SIRPD: variants seen among roughly 807,000 people sequenced by gnomAD.
SIRPD encodes signal regulatory protein delta, also known as signal-regulatory protein delta.
Under a neutral mutation model 18.0 loss-of-function variants are expected in SIRPD, and 21 were observed. That is an observed-to-expected ratio of 1.17 (90% CI 0.83 to 1.68). The LOEUF is 1.68. SIRPD is among the 40% of genes most tolerant of loss of function. SIRPD has a pLI of 0.00. For missense variants in SIRPD, 295 were observed against 238.4 expected (o/e 1.24, Z -1.56); for synonymous variants, 106 against 92.9 (o/e 1.14, Z -0.81).
intron 2 of SIRPD, among the ~76,000 whole-genome samples, chr20:1,542,986 G>A (rs1210687307): frequency 3.3e-5 from 5 of 152,110 alleles, no homozygotes; most frequent in African/African-American, 1.2e-4. Flanking sequence ...AAGCTGACTT[G>A]ATCATGGTGG....
At chr20:1,555,070 C>T (rs1035016327) in intron 1 of SIRPD, among the ~76,000 whole-genome samples, 19 of 152,164 alleles carry the variant, frequency 1.2e-4, no homozygotes, top group African/African-American at 4.6e-4. Flanking sequence ...AACTGAAGTG[C>T]CCATCAATGT....
At chr20:1,549,083 T>C (rs887402861) in intron 2 of SIRPD, among the ~76,000 whole-genome samples, 2 of 152,172 alleles carry the variant, frequency 1.3e-5, no homozygotes, top group African/African-American at 4.8e-5. Flanking sequence ...TAATCTATTT[T>C]CAAATTTGCT....
chr20:1,552,324 G>A (rs1222610032), intron 1 of SIRPD, among the ~76,000 whole-genome samples: 2 of 152,094 alleles, frequency 1.3e-5, no homozygotes, highest in African/African-American at 4.8e-5. Context: ...AATGGGTAAT[G>A]TTCTTGGAGA....
At chr20:1,539,235 G>GA (rs1482169959) in intron 2 of SIRPD, among the ~76,000 whole-genome samples, 1 of 151,930 alleles carries the variant, frequency 6.6e-6, no homozygotes, top group African/African-American at 2.4e-5. Flanking sequence ...TTTCTTTTTT[G>GA]ATAAATCAGT....
intron 2 of SIRPD, among the ~76,000 whole-genome samples, chr20:1,545,312 C>CT (rs568794343): frequency 1.3e-4 from 20 of 152,236 alleles, no homozygotes; most frequent in African/African-American, 4.1e-4. Context: ...TTTGTTCATT[C>CT]TTTTTCACTC....
intron 3 of SIRPD, 46 bp from the exon 4 acceptor site, chr20:1,534,487 T>A: frequency 6.4e-7 from 1 of 1,558,018 alleles, no homozygotes; most frequent in Non-Finnish European, 8.8e-7. Context: ...TTCTCCCTCC[T>A]GCAAGCTAAG....
At chr20:1,537,039 AAG>A in intron 3 of SIRPD, 114 bp downstream of exon 3, 1 of 1,239,608 alleles carries the variant, frequency 8.1e-7, no homozygotes, top group South Asian at 1.5e-5. Context: ...GTGGCAAAGA[AAG>A]AGGCCCTAGG....
At chr20:1,535,294 C>T (rs2090940520) in intron 3 of SIRPD, among the ~76,000 whole-genome samples, 1 of 152,130 alleles carries the variant, frequency 6.6e-6, no homozygotes, top group South Asian at 2.1e-4. Flanking sequence ...CTAGTGGAGT[C>T]CCATTGACCC....
rs1185952479 is a variant in SIRPD at position 1,534,343 on chromosome 20, T to G, written c.*82A>C. ...CTCTCTTGAAGAAGGCAAATGAAAC[T>G]CCTAAAAAGTAGCTGTCTCCAGGGA... is the stretch of plus-strand genomic sequence containing the variant. On this transcript the variant is annotated 3_prime_UTR_variant, in exon 4 of 4. Transcript: ENST00000381623. The G allele has an allele frequency of 3.2e-6, 5 of 1,582,368 alleles. No homozygotes were observed. Among genetic ancestry groups the G allele is most frequent in the Non-Finnish European group, 3.4e-6 (4 of 1,164,844 alleles).
At chr20:1,543,636 T>A (rs899752631) in intron 2 of SIRPD, among the ~76,000 whole-genome samples, 2 of 152,220 alleles carry the variant, frequency 1.3e-5, no homozygotes, top group African/African-American at 2.4e-5. Context: ...TCTGCTCTGA[T>A]CTTAGTTACT....
chr20:1,546,751 T>C (rs1312742275), intron 2 of SIRPD, among the ~76,000 whole-genome samples: 2 of 152,250 alleles, frequency 1.3e-5, no homozygotes, highest in East Asian at 3.8e-4. Context: ...TAAACATTTG[T>C]TATCTGATTT....
At position 1,551,049 on chromosome 20, in the gene SIRPD, A is replaced by G. The variant is rs529543095; in HGVS notation, c.421+642T>C. Among the ~76,000 whole-genome samples, 14 of 152,324 alleles carry G rather than the reference A, an allele frequency of 9.2e-5. No individual in the cohort carries two copies. The East Asian group carries it at 1.7e-3, about 19-fold the overall frequency. On this transcript the variant is annotated intron_variant, in intron 2 of 3. Coordinates refer to ENST00000381623, the MANE Select transcript of SIRPD (RefSeq NM_178460.3). ...ACACACTGTGGGATGTGCGACTTTT[A>G]TCATTCTTGTAGCCCTTAGGACATT...
chr20:1,537,059 A>G, intron 3 of SIRPD, 96 bp downstream of exon 3: 1 of 1,438,274 alleles, frequency 7.0e-7, no homozygotes. Flanking sequence ...AGGACAACAG[A>G]GATTCATCCG....
At chr20:1,546,315 G>A (rs945403457) in intron 2 of SIRPD, among the ~76,000 whole-genome samples, 1 of 152,218 alleles carries the variant, frequency 6.6e-6, no homozygotes, top group Non-Finnish European at 1.5e-5. Context: ...GAGATGTCCT[G>A]CACAGAGAGG....
At chr20:1,539,291 T>C (rs1473067559) in intron 2 of SIRPD, among the ~76,000 whole-genome samples, 1 of 152,242 alleles carries the variant, frequency 6.6e-6, no homozygotes, top group Non-Finnish European at 1.5e-5. Flanking sequence ...GATTTTCTAA[T>C]GATCTTTTTG....
At chr20:1,547,681 A>T (rs2090999662) in intron 2 of SIRPD, among the ~76,000 whole-genome samples, 1 of 152,200 alleles carries the variant, frequency 6.6e-6, no homozygotes, top group South Asian at 2.1e-4. Flanking sequence ...TCTACAAAAA[A>T]GTAGGTTGGG....
rs1323152512 is a variant in SIRPD at position 1,552,027 on chromosome 20, C to T, written c.85G>A (p.Val29Met). 11 of 1,612,086 alleles carry T rather than the reference C, an allele frequency of 6.8e-6. No homozygotes were observed. In the South Asian group the frequency reaches 1.1e-4, roughly 16 times the overall value. Residue 29 changes from valine (V) to methionine (M), a missense_variant, in exon 2 of 4, where the codon GTG becomes ATG. By Grantham distance (21) the Val-to-Met change is conservative. Transcript: ENST00000381623. ...ATCTCCGTTTGTTGCACATGGAACA[C>T]ATGTGTGACTCCTGGAAAAAAGCTG... ...LLLELAGVTH[V>M]FHVQQTEMSQ...
chr20:1,547,572 A>C (rs1006917088), intron 2 of SIRPD, among the ~76,000 whole-genome samples: 1 of 152,170 alleles, frequency 6.6e-6, no homozygotes, highest in Non-Finnish European at 1.5e-5. Context: ...TAAGTTTTGA[A>C]AGAAAAACGT....
chr20:1,543,629 G>T (rs1039529097), intron 2 of SIRPD, among the ~76,000 whole-genome samples: 1 of 151,878 alleles, frequency 6.6e-6, no homozygotes, highest in African/African-American at 2.4e-5. Flanking sequence ...CTTCAGTTCT[G>T]CTCTGATCTT....
Sources: allele counts gnomAD v4.1 joint callset (sites outside exome capture counted in the v4.1 genomes callset), GRCh38; gene constraint gnomAD v4.1.1; transcripts MANE v1.5; gene names NCBI Gene and HGNC (gene_info 2026-07-23, HGNC 2026-07-21).